The following RAPH1 variants were observed in gnomAD, a reference collection of about 807,000 sequenced individuals.
RAPH1 encodes the protein Ras association (RalGDS/AF-6) and pleckstrin homology domains 1, also known as ras-associated and pleckstrin homology domains-containing protein 1.
A neutral mutation model predicts 88.1 loss-of-function variants in RAPH1; 18 were observed. The observed-to-expected ratio is 0.20, with a 90% confidence interval of 0.14 to 0.30. The LOEUF (loss-of-function observed/expected upper bound fraction) is 0.30, where lower values mean the gene tolerates loss of function less well. RAPH1 is among the 10% of genes least tolerant of loss of function. The probability of loss-of-function intolerance (pLI) is 1.00; values close to 1 mark genes in which losing one functional copy is unlikely to be tolerated. For missense variants in RAPH1, 1,448 were observed against 1,543.2 expected (o/e 0.94, Z 1.03); for synonymous variants, 587 against 559.0 (o/e 1.05, Z -0.71).
intron 1 of RAPH1, among the ~76,000 whole-genome samples, chr2:203,531,301 T>C (rs572866253): frequency 5.6e-4 from 85 of 152,064 alleles, no homozygotes; most frequent in Non-Finnish European, 8.7e-4. Context: ...AAATATCTAA[T>C]GTAAATGACG....
chr2:203,507,209 T>C (rs1416699059), intron 1 of RAPH1, among the ~76,000 whole-genome samples: 1 of 151,782 alleles, frequency 6.6e-6, no homozygotes, highest in Non-Finnish European at 1.5e-5. Context: ...AAAATCCATA[T>C]TGAATTAAAT....
At chr2:203,515,806 T>C (rs138557385) in intron 1 of RAPH1, among the ~76,000 whole-genome samples, 122 of 152,304 alleles carry the variant, frequency 8.0e-4, no homozygotes, top group African/African-American at 2.5e-3. Context: ...GAAGGAGAAA[T>C]ACTTTCTCAG....
intron 1 of RAPH1, among the ~76,000 whole-genome samples, chr2:203,504,427 C>T (rs1301251558): frequency 3.3e-5 from 5 of 152,194 alleles, no homozygotes; most frequent in Admixed American, 6.5e-5. Context: ...ATGTTGGCCC[C>T]TTTCAGCCAC....
intron 4 of RAPH1, among the ~76,000 whole-genome samples, chr2:203,475,997 CT>C (rs1335232651): frequency 3.9e-5 from 6 of 151,984 alleles, no homozygotes; most frequent in Admixed American, 3.9e-4. Flanking sequence ...ACAAATTTCA[CT>C]TGGACAGTAA....
intron 3 of RAPH1, 100 bp downstream of exon 3, chr2:203,491,114 C>T: frequency 3.1e-6 from 2 of 635,288 alleles, no homozygotes; most frequent in South Asian, 2.6e-5. Context: ...ATGCATGTAG[C>T]TTTTATATCG....
Position 203,455,420 on chromosome 2 carries a change from C to A in RAPH1, c.1302+17G>T, listed in dbSNP as rs777263875. On this transcript the variant is annotated intron_variant, in intron 9 of 13. Transcript: ENST00000319170. ...TAGCATAATGAGGAAGTTCAAATTC[C>A]AACAGAAGGGACACACCTTTGCTTT... 14 of 1,603,204 alleles carry A rather than the reference C, an allele frequency of 8.7e-6. No homozygotes were observed. In the East Asian group the frequency reaches 2.9e-4, roughly 33 times the overall value.
chr2:203,439,295 T>TACACAC lies in RAPH1; in HGVS notation c.*136_*141dup. On this transcript the variant is annotated 3_prime_UTR_variant, in exon 14 of 14. Transcript: ENST00000319170. ...GTACAGCTGTGTGTACATGCACGTGTACACACACACATACACATATAGCTG... is the reference window on the plus strand; with the variant it reads ...GTACAGCTGTGTGTACATGCACGTGTACACACACACACACACATACACATATAGCTG... 1 of 699,612 alleles carries TACACAC rather than the reference T, an allele frequency of 1.4e-6. No homozygotes were observed. Among genetic ancestry groups the TACACAC allele is most frequent in the East Asian group, 2.6e-5 (1 of 38,848 alleles). 43.3% of individuals were successfully genotyped at this position (699,612 alleles called of 1,614,324 possible).
chr2:203,525,834 G>A (rs904848998), intron 1 of RAPH1, among the ~76,000 whole-genome samples: 4 of 152,086 alleles, frequency 2.6e-5, no homozygotes, highest in Admixed American at 2.6e-4. Flanking sequence ...ACAAAAGCAT[G>A]GTTATGATTT....
At position 203,517,282 on chromosome 2, in the gene RAPH1, A is replaced by G. The variant is rs150675638; in HGVS notation, c.-1+17829T>C. Among the ~76,000 whole-genome samples, 1,467 of 151,332 alleles carry G rather than the reference A, an allele frequency of 9.7e-3. 30 individuals are homozygous for G. The highest frequency in any genetic ancestry group is 0.04 in the Admixed American group (601 of 15,204). ...ATAAAGAAGGGTATTACATAATGAT[A>G]AAGGGTCGAGTCTCCAAGATGACAT... On this transcript the variant is annotated intron_variant, in intron 1 of 13. Coordinates refer to ENST00000319170, the MANE Select transcript of RAPH1 (RefSeq NM_213589.3).
chr2:203,514,616 G>A (rs1354406668), intron 1 of RAPH1, among the ~76,000 whole-genome samples: 1 of 151,956 alleles, frequency 6.6e-6, no homozygotes, highest in African/African-American at 2.4e-5. Context: ...GTGCAGTGGC[G>A]TGATCTCGGC....
chr2:203,506,777 T>G (rs1334291336), intron 1 of RAPH1, among the ~76,000 whole-genome samples: 1 of 122,384 alleles, frequency 8.2e-6, no homozygotes, highest in Non-Finnish European at 1.6e-5. Flanking sequence ...TATCTATATA[T>G]ATCTAGATAT....
At chr2:203,479,085 T>C (rs1687604437) in intron 4 of RAPH1, among the ~76,000 whole-genome samples, 1 of 152,184 alleles carries the variant, frequency 6.6e-6, no homozygotes, top group South Asian at 2.1e-4. Flanking sequence ...AACTCTCAAA[T>C]GATTCAGGAA....
chr2:203,447,181 C>CTTTTTTTTTT (rs1161851720), intron 12 of RAPH1: 4 of 127,990 alleles, frequency 3.1e-5, no homozygotes, highest in Non-Finnish European at 4.9e-5. Flanking sequence ...TCTTTTCTTT[C>CTTTTTTTTTT]TTTTTTTTTT....
chr2:203,470,411 A>C, intron 4 of RAPH1: 1 of 655,112 alleles, frequency 1.5e-6, no homozygotes, highest in African/African-American at 1.8e-5. Context: ...AGCAAGAATG[A>C]TTCTCTATAA....
At chr2:203,531,947 A>G (rs1434608552) in intron 1 of RAPH1, among the ~76,000 whole-genome samples, 1 of 152,216 alleles carries the variant, frequency 6.6e-6, no homozygotes. Context: ...GTATACCAAT[A>G]CTCAAGGCAG....
intron 2 of RAPH1, among the ~76,000 whole-genome samples, chr2:203,493,971 CAAAAAAAAAAAAAA>C (rs397937732): frequency 1.6e-4 from 3 of 18,964 alleles, no homozygotes; most frequent in Non-Finnish European, 2.4e-4. Flanking sequence ...GACTCTATCT[CAAAAAAAAAAAAAA>C]AAAAAAAAAA....
chr2:203,447,302 T>G (rs2098510847), intron 12 of RAPH1: 1 of 151,804 alleles, frequency 6.6e-6, no homozygotes. Flanking sequence ...AGGGACTGGG[T>G]ATTCTCATTG....
At chr2:203,442,136 T>C (rs2098504833) in intron 13 of RAPH1, 1 of 1,516,456 alleles carries the variant, frequency 6.6e-7, no homozygotes, top group Non-Finnish European at 8.9e-7. Flanking sequence ...ACTGTAAAAA[T>C]ATCATACAGA....
intron 1 of RAPH1, among the ~76,000 whole-genome samples, chr2:203,528,998 TATATA>T (rs1458429144): frequency 4.1e-4 from 37 of 90,424 alleles, no homozygotes; most frequent in African/African-American, 1.3e-3. Context: ...TATATATATA[TATATA>T]TATTTTTTTT....
Sources: gnomAD v4.1 joint callset for allele counts (sites outside exome capture counted in the v4.1 genomes callset) on GRCh38, gnomAD v4.1.1 for gene constraint, MANE v1.5 for transcripts, NCBI Gene and HGNC (gene_info 2026-07-23, HGNC 2026-07-21) for gene names.